Variants in KCNJ4 observed in about 807,000 individuals in gnomAD.
KCNJ4 encodes the protein inward rectifier potassium channel 4.
KCNJ4 carries 3 observed loss-of-function variants against 25.6 expected under a neutral mutation model. The ratio of observed to expected loss-of-function variants is 0.12; its 90% CI spans 0.05 to 0.30. The LOEUF is 0.30. KCNJ4 is among the 10% of genes least tolerant of loss of function. The pLI is 1.00. For missense variants in KCNJ4, 286 were observed against 666.8 expected (o/e 0.43, Z 6.29); for synonymous variants, 257 against 283.9 (o/e 0.91, Z 0.95).
intron 1 of KCNJ4, among the ~76,000 whole-genome samples, chr22:38,438,561 C>G (rs1206722526): frequency 7.1e-6 from 1 of 141,646 alleles, no homozygotes; most frequent in Admixed American, 6.9e-5. Flanking sequence ...TGGTGGCAGG[C>G]GCCTGTACTC....
intron 1 of KCNJ4, among the ~76,000 whole-genome samples, chr22:38,448,731 C>T (rs890546999): frequency 1.3e-5 from 2 of 152,146 alleles, no homozygotes; most frequent in East Asian, 3.9e-4. Flanking sequence ...CTGGGCAAAC[C>T]CTGGTGGTCT....
chr22:38,445,685 T>A (rs1211567778), intron 1 of KCNJ4, among the ~76,000 whole-genome samples: 2 of 152,210 alleles, frequency 1.3e-5, no homozygotes, highest in Non-Finnish European at 2.9e-5. Context: ...AAATAATATT[T>A]ACCCTCACTA....
At chr22:38,433,499 T>A (rs1035417708) in intron 1 of KCNJ4, among the ~76,000 whole-genome samples, 9 of 152,296 alleles carry the variant, frequency 5.9e-5, no homozygotes, top group African/African-American at 2.2e-4. Flanking sequence ...CTATTTTTTA[T>A]AGAGATGGGG....
At chr22:38,439,712 T>C (rs1173794579) in intron 1 of KCNJ4, among the ~76,000 whole-genome samples, 1 of 146,832 alleles carries the variant, frequency 6.8e-6, no homozygotes, top group African/African-American at 2.6e-5. Flanking sequence ...GAGACGGAGC[T>C]TGCAGTGAGC....
At position 38,449,725 on chromosome 22, in the gene KCNJ4, G is replaced by A. The variant is rs1402155255; in HGVS notation, c.-40+5255C>T. On this transcript the variant is annotated intron_variant, in intron 1 of 1. Coordinates refer to ENST00000303592, the MANE Select transcript of KCNJ4 (RefSeq NM_152868.3). This position sits in a 1 kb window ranked among gnomAD's most constrained non-coding sequence, Gnocchi z 5.2. ...GGCAAAACCCATCCATTCAAATCCA[G>A]CCTGTTTCCAGCCAGCCACTTCCCC... Among the ~76,000 whole-genome samples, 1 of 152,226 alleles carries A rather than the reference G, an allele frequency of 6.6e-6. No individual in the cohort carries two copies. Among genetic ancestry groups the A allele is most frequent in the African/African-American group, 2.4e-5 (1 of 41,452 alleles).
chr22:38,452,237 G>A (rs2089414331), intron 1 of KCNJ4, among the ~76,000 whole-genome samples: 1 of 152,206 alleles, frequency 6.6e-6, no homozygotes. Context: ...TCTCTATACA[G>A]ATGTGGACTC....
chr22:38,447,115 G>C (rs1215382805), intron 1 of KCNJ4, among the ~76,000 whole-genome samples: 1 of 152,156 alleles, frequency 6.6e-6, no homozygotes, highest in African/African-American at 2.4e-5. Context: ...GCCTCGCCTG[G>C]GACAACTGAG....
rs1312419851 is a variant in KCNJ4, at chr22:38,426,616, T to G, written c.*179A>C. ...CTCAGGCTGATCGGGGCCGAGCTCT[T>G]CCCAGGCCTGGGTGCTGGAGTCAGG... On this transcript the variant is annotated 3_prime_UTR_variant, in exon 2 of 2. Transcript: ENST00000303592. 1 of 781,768 alleles carries G rather than the reference T, an allele frequency of 1.3e-6. No individual in the cohort carries two copies. Among genetic ancestry groups the G allele is most frequent in the African/African-American group, 1.7e-5 (1 of 57,282 alleles). The allele number at this position is 781,768 out of a possible 1,614,324, so 48.4% of individuals were successfully genotyped here.
At chr22:38,453,411 T>C (rs558826837) in intron 1 of KCNJ4, among the ~76,000 whole-genome samples, 2 of 152,286 alleles carry the variant, frequency 1.3e-5, no homozygotes, top group East Asian at 3.9e-4. Context: ...TTTTCAAGGA[T>C]AACCCAAAGG....
chr22:38,430,603 A>C (rs1054477750), intron 1 of KCNJ4, among the ~76,000 whole-genome samples: 2 of 152,178 alleles, frequency 1.3e-5, no homozygotes, highest in Admixed American at 6.5e-5. Context: ...GGCCCTTCAG[A>C]GCTGGGAGGC....
intron 1 of KCNJ4, among the ~76,000 whole-genome samples, chr22:38,440,534 G>A (rs1271636613): frequency 6.6e-6 from 1 of 152,182 alleles, no homozygotes. Flanking sequence ...AGAATGAGAC[G>A]CTGTCTCAAA....
intron 1 of KCNJ4, among the ~76,000 whole-genome samples, chr22:38,453,110 C>G (rs1244733018): frequency 1.3e-5 from 2 of 151,880 alleles, no homozygotes; most frequent in Non-Finnish European, 2.9e-5. Context: ...CCTTCTTATC[C>G]TAAGCTAAGA....
intron 1 of KCNJ4, among the ~76,000 whole-genome samples, chr22:38,434,576 TGGCTCACCCTGGTCCCCA>T (rs2093060074): frequency 6.6e-6 from 1 of 152,096 alleles, no homozygotes. Context: ...TCCAGGTCCT[TGGCTCACCCTGGTCCCCA>T]GCCTCTGGCT....
intron 1 of KCNJ4, among the ~76,000 whole-genome samples, chr22:38,428,470 A>C (rs992891314): frequency 6.6e-6 from 1 of 152,018 alleles, no homozygotes; most frequent in Non-Finnish European, 1.5e-5. Context: ...TCCTATGCTC[A>C]CTGTTCTGGA....
Position 38,443,532 on chromosome 22 carries a change from C to G in KCNJ4, c.-40+11448G>C, listed in dbSNP as rs2089352347. Among the ~76,000 whole-genome samples the G allele has an allele frequency of 6.6e-6, 1 of 152,180 alleles. No individual in the cohort carries two copies. The highest frequency in any genetic ancestry group is 2.4e-5 in the African/African-American group (1 of 41,440). On this transcript the variant is annotated intron_variant, in intron 1 of 1. Transcript: ENST00000303592. This position sits in a 1 kb window ranked among gnomAD's most constrained non-coding sequence, Gnocchi z 4.1. ...AGGTCGCTCAGGCCTGACACCTAGG[C>G]ATCATCCTCCAGCCCTCCCTAAGCC...
intron 1 of KCNJ4, among the ~76,000 whole-genome samples, chr22:38,447,481 C>T (rs1023679009): frequency 2.0e-5 from 3 of 152,140 alleles, no homozygotes; most frequent in Admixed American, 6.5e-5. Flanking sequence ...CCCCTAATTG[C>T]GGACCCCATC....
intron 1 of KCNJ4, among the ~76,000 whole-genome samples, chr22:38,454,522 T>C (rs929481449): frequency 5.9e-5 from 9 of 152,058 alleles, no homozygotes; most frequent in Non-Finnish European, 1.3e-4. Flanking sequence ...TGGCGCCAAG[T>C]AGGTGCTCAA....
chr22:38,436,614 C>G (rs567815572), intron 1 of KCNJ4, among the ~76,000 whole-genome samples: 2 of 152,180 alleles, frequency 1.3e-5, no homozygotes, highest in Non-Finnish European at 2.9e-5. Context: ...TTCTGGACCA[C>G]GAAATCCTGT....
rs367619896 is a variant in KCNJ4, at chr22:38,427,290, C to T, written c.843G>A (p.Ser281=). 1.4e-5 allele frequency: 22 copies of T among 1,613,792 alleles called. No individual in the cohort carries two copies. The highest frequency in any genetic ancestry group is 1.6e-4 in the Middle Eastern group (1 of 6,084). The change falls in exon 2 of 2, where the codon TCG becomes TCA. Residue 281 remains serine, a synonymous_variant. Coordinates refer to ENST00000303592, the MANE Select transcript of KCNJ4 (RefSeq NM_152868.3). ...LYGMGKEELE[S]EDFEIVVILE... is the part of the protein sequence containing the mutation. Reference sequence around the variant, plus strand: ...GGATGACCACGATCTCAAAGTCCTCCGACTCCAGCTCCTCCTTGCCCATGC... The same window carrying T: ...GGATGACCACGATCTCAAAGTCCTCTGACTCCAGCTCCTCCTTGCCCATGC...
Sources: allele counts gnomAD v4.1 joint callset (sites outside exome capture counted in the v4.1 genomes callset), GRCh38; gene constraint gnomAD v4.1.1; non-coding constraint Gnocchi (gnomAD v3.1); transcripts MANE v1.5; gene names NCBI Gene and HGNC (gene_info 2026-07-23, HGNC 2026-07-21).